KIAA1328: variants seen among roughly 807,000 people sequenced by gnomAD.
The protein encoded by KIAA1328 is KIAA1328.
KIAA1328 carries 52 observed loss-of-function variants against 68.1 expected under a neutral mutation model. The observed-to-expected ratio is 0.76, with a 90% CI of 0.61 to 0.96. The LOEUF is 0.96. KIAA1328 is among the 40% of genes least tolerant of loss of function. The pLI, the probability that KIAA1328 is intolerant of heterozygous loss-of-function variation, is 0.00. For missense variants in KIAA1328, 641 were observed against 677.6 expected (o/e 0.95, Z 0.60); for synonymous variants, 232 against 239.4 (o/e 0.97, Z 0.28).
At chr18:36,865,895 G>C (rs889117512) in intron 4 of KIAA1328, among the ~76,000 whole-genome samples, 2 of 152,060 alleles carry the variant, frequency 1.3e-5, no homozygotes, top group Non-Finnish European at 2.9e-5. Flanking sequence ...GACTCTGCCT[G>C]CTGGTCTGCT....
chr18:37,114,878 T>C (rs1454409432), intron 7 of KIAA1328, among the ~76,000 whole-genome samples: 1 of 152,172 alleles, frequency 6.6e-6, no homozygotes, highest in Non-Finnish European at 1.5e-5. Context: ...CAGATAATAC[T>C]ATAAACACCT....
intron 6 of KIAA1328, among the ~76,000 whole-genome samples, chr18:37,015,153 A>G (rs2054110363): frequency 6.6e-6 from 1 of 152,078 alleles, no homozygotes; most frequent in African/African-American, 2.4e-5. Context: ...CACCCACCTC[A>G]GCCTCCCAAG....
intron 3 of KIAA1328, among the ~76,000 whole-genome samples, chr18:36,838,697 T>G (rs1040658675): frequency 3.3e-5 from 5 of 152,170 alleles, no homozygotes; most frequent in Non-Finnish European, 7.3e-5. Flanking sequence ...ATTTTCTTCT[T>G]ATCACTGGTT....
At chr18:36,842,142 T>A (rs1279829928) in intron 3 of KIAA1328, among the ~76,000 whole-genome samples, 1 of 152,066 alleles carries the variant, frequency 6.6e-6, no homozygotes, top group Admixed American at 6.6e-5. Context: ...AACCACAATC[T>A]CTAGAACTGG....
At position 37,083,256 on chromosome 18, in the gene KIAA1328, CACCACCAAATATTAGTCT is replaced by C. The variant is rs143665129; in HGVS notation, c.1232+15712_1232+15729del. 6.9e-3 allele frequency among the ~76,000 whole-genome samples: 1,049 copies of C among 152,262 alleles called. 15 individuals carry two copies. The highest frequency in any genetic ancestry group is 0.023 in the African/African-American group (974 of 41,556). ...CATCTACATTTACCTACCTATGTGTCACCACCAAATATTAGTCTTAAGCTGTAAGCTCCTGAAGGGAAT... is the reference window on the plus strand; with the variant it reads ...CATCTACATTTACCTACCTATGTGTCTAAGCTGTAAGCTCCTGAAGGGAAT... On this transcript the variant is annotated intron_variant, in intron 7 of 9. Transcript: ENST00000280020.
chr18:37,156,681 A>G (rs1485063636), intron 7 of KIAA1328, among the ~76,000 whole-genome samples: 1 of 152,214 alleles, frequency 6.6e-6, no homozygotes, highest in African/African-American at 2.4e-5. Flanking sequence ...GAGATTTCTT[A>G]TGAGTGACTG....
At chr18:37,020,125 T>C (rs957255682) in intron 6 of KIAA1328, among the ~76,000 whole-genome samples, 1 of 152,020 alleles carries the variant, frequency 6.6e-6, no homozygotes, top group Non-Finnish European at 1.5e-5. Context: ...GGTATTTCTT[T>C]TTTTTTTCTT....
chr18:37,213,719 G>A (rs1380196843), intron 9 of KIAA1328, among the ~76,000 whole-genome samples: 1 of 152,082 alleles, frequency 6.6e-6, no homozygotes, highest in Non-Finnish European at 1.5e-5. Flanking sequence ...TTGAGGAATC[G>A]CCACACTGTC....
chr18:37,013,042 C>T (rs2151495821), intron 6 of KIAA1328, among the ~76,000 whole-genome samples: 1 of 152,186 alleles, frequency 6.6e-6, no homozygotes, highest in African/African-American at 2.4e-5. Flanking sequence ...TAGTAACTCC[C>T]TGGGTGGCAA....
intron 6 of KIAA1328, among the ~76,000 whole-genome samples, chr18:37,051,999 G>A (rs928715847): frequency 9.3e-5 from 14 of 150,624 alleles, no homozygotes. Context: ...CCAAGATCAC[G>A]CCACTGCACT....
chr18:37,100,024 T>A (rs1011446410), intron 7 of KIAA1328, among the ~76,000 whole-genome samples: 13 of 152,226 alleles, frequency 8.5e-5, no homozygotes, highest in Non-Finnish European at 1.2e-4. Flanking sequence ...CTTGACTCTT[T>A]ATCCAATTTG....
intron 7 of KIAA1328, among the ~76,000 whole-genome samples, chr18:37,091,525 A>C (rs2151833617): frequency 6.6e-6 from 1 of 152,282 alleles, no homozygotes; most frequent in Middle Eastern, 3.4e-3. Context: ...TAGTATAGGC[A>C]GCTACTTGGA....
chr18:36,918,873 A>G (rs887685861), intron 5 of KIAA1328, among the ~76,000 whole-genome samples: 26 of 152,274 alleles, frequency 1.7e-4, no homozygotes, highest in Middle Eastern at 3.4e-3. Context: ...ATTCTGAAGT[A>G]TATTGTTACT....
At chr18:37,058,443 T>G (rs1288542123) in intron 6 of KIAA1328, among the ~76,000 whole-genome samples, 1 of 152,204 alleles carries the variant, frequency 6.6e-6, no homozygotes, top group Non-Finnish European at 1.5e-5. Flanking sequence ...CTGGGCATGG[T>G]GGCTCATGCC....
intron 6 of KIAA1328, among the ~76,000 whole-genome samples, chr18:36,984,155 CAAT>C (rs745879513): frequency 6.6e-6 from 1 of 152,202 alleles, no homozygotes; most frequent in Non-Finnish European, 1.5e-5. Flanking sequence ...ACATCATACT[CAAT>C]GATGAAAGAC....
At chr18:37,072,734 G>A (rs1445429564) in intron 7 of KIAA1328, among the ~76,000 whole-genome samples, 4 of 152,056 alleles carry the variant, frequency 2.6e-5, no homozygotes, top group South Asian at 2.1e-4. Context: ...GTGGTTTGCT[G>A]CACATACTGA....
chr18:37,061,093 C>T (rs1281738749), intron 6 of KIAA1328, among the ~76,000 whole-genome samples: 3 of 151,904 alleles, frequency 2.0e-5, no homozygotes, highest in Non-Finnish European at 4.4e-5. Context: ...CCAGCCTGGG[C>T]GACAGAGCAA....
intron 6 of KIAA1328, among the ~76,000 whole-genome samples, chr18:36,968,544 C>T (rs979572131): frequency 5.3e-5 from 8 of 152,132 alleles, no homozygotes; most frequent in African/African-American, 1.4e-4. Flanking sequence ...CAAAGAAGGC[C>T]ATTACATAAT....
chr18:36,870,793 T>A (rs1169027615), intron 4 of KIAA1328, among the ~76,000 whole-genome samples: 1 of 152,258 alleles, frequency 6.6e-6, no homozygotes, highest in African/African-American at 2.4e-5. Flanking sequence ...TATTTAGTTG[T>A]CACATCCCCT....
Sources: allele counts gnomAD v4.1 joint callset (sites outside exome capture counted in the v4.1 genomes callset), GRCh38; gene constraint gnomAD v4.1.1; transcripts MANE v1.5; gene names NCBI Gene and HGNC (gene_info 2026-07-23, HGNC 2026-07-21).